The following ADAMTS9 variants were observed in gnomAD, a reference collection of about 807,000 sequenced individuals.
ADAMTS9 encodes A disintegrin and metalloproteinase with thrombospondin motifs 9.
ADAMTS9 carries 107 observed loss-of-function variants against 257.1 expected under a neutral mutation model. That is an observed-to-expected ratio of 0.42 (90% confidence interval 0.36 to 0.49). ADAMTS9 has a LOEUF of 0.49. Ranked by LOEUF, ADAMTS9 falls within the 20% of genes least tolerant of loss-of-function variation. The probability of loss-of-function intolerance (pLI) is 0.03; values close to 1 mark genes in which losing one functional copy is unlikely to be tolerated. For missense variants in ADAMTS9, 2,353 were observed against 2,469.1 expected, an observed-to-expected ratio of 0.95 and a Z score of 1.00; for synonymous variants, 982 against 880.9, an observed-to-expected ratio of 1.11 and a Z score of -2.03.
intron 28 of ADAMTS9, among the ~76,000 whole-genome samples, chr3:64,578,878 T>C (rs896992061): frequency 1.3e-5 from 2 of 152,176 alleles, no homozygotes; most frequent in Admixed American, 6.5e-5. Flanking sequence ...ACCACTTCCC[T>C]TGTGACCACT....
At chr3:64,656,310 T>A (rs1701067896) in intron 4 of ADAMTS9, among the ~76,000 whole-genome samples, 1 of 152,192 alleles carries the variant, frequency 6.6e-6, no homozygotes, top group Non-Finnish European at 1.5e-5. Flanking sequence ...GGGTTTTTAT[T>A]TTTGCAGTAT....
intron 28 of ADAMTS9, among the ~76,000 whole-genome samples, 160 bp downstream of exon 28, chr3:64,594,098 A>G (rs1185179666): frequency 2.0e-5 from 3 of 152,008 alleles, no homozygotes; most frequent in Non-Finnish European, 4.4e-5. Flanking sequence ...ATAAAAAGTT[A>G]ATTCTATTAT....
chr3:64,551,939 A>G (rs1397035175), intron 30 of ADAMTS9, among the ~76,000 whole-genome samples: 1 of 152,194 alleles, frequency 6.6e-6, no homozygotes, highest in Non-Finnish European at 1.5e-5. Context: ...CTCTCATGCC[A>G]CATCATTCTG....
At chr3:64,676,924 A>T (rs966962828) in intron 3 of ADAMTS9, among the ~76,000 whole-genome samples, 2 of 152,182 alleles carry the variant, frequency 1.3e-5, no homozygotes, top group African/African-American at 2.4e-5. Context: ...CAGGCAAACA[A>T]AACAGCCTTC....
chr3:64,524,631 C>CAATA (rs2082887925), intron 38 of ADAMTS9, among the ~76,000 whole-genome samples: 1 of 152,144 alleles, frequency 6.6e-6, no homozygotes, highest in Non-Finnish European at 1.5e-5. Context: ...TTGAATTTGA[C>CAATA]CAATAAAAAA....
At chr3:64,563,155 A>G (rs1180402527) in intron 29 of ADAMTS9, 3 of 152,232 alleles carry the variant, frequency 2.0e-5, no homozygotes. Flanking sequence ...CCTGAACACA[A>G]GTGATGACCC....
Position 64,602,156 on chromosome 3 carries a change from T to C in ADAMTS9, c.3805A>G (p.Ser1269Gly). The C allele has an allele frequency of 6.2e-7, 1 of 1,614,118 alleles. No homozygotes were observed. Among genetic ancestry groups the C allele is most frequent in the Non-Finnish European group, 8.5e-7 (1 of 1,179,992 alleles). ...TCACTCCGATCGATCACGTGGTCACTGTAGTTGACACACATCACTTGCCGG... is the reference window on the plus strand; with the variant it reads ...TCACTCCGATCGATCACGTGGTCACCGTAGTTGACACACATCACTTGCCGG... ...ATRQVMCVNY[S>G]DHVIDRSECD... Residue 1269 changes from serine (S) to glycine (G), a missense_variant, in exon 26 of 40, where the codon AGT (serine) becomes GGT (glycine). By Grantham distance (56) the Ser-to-Gly change is moderately conservative. Coordinates refer to ENST00000498707, the MANE Select transcript of ADAMTS9 (RefSeq NM_182920.2).
Position 64,681,350 on chromosome 3 carries a change from C to G in ADAMTS9, c.530G>C (p.Arg177Pro). 1.2e-6 allele frequency: 2 copies of G among 1,611,044 alleles called. No individual in the cohort carries two copies. Among genetic ancestry groups the G allele is most frequent in the Middle Eastern group, 1.7e-4 (1 of 6,056 alleles). The change falls in exon 3 of 40, where the codon CGG becomes CCG. Residue 177 changes from arginine to proline, a missense_variant. Transcript: ENST00000498707. The part of the protein sequence containing the change: ...SLCSGMLGTF[R>P]SHDGDYFIEP... ...AATAAAATAATCCCCATCATGAGAC[C>G]GGAATGTGCCCAGCTGCAAATGAAG...
chr3:64,547,568 A>G (rs2083218949), intron 31 of ADAMTS9, among the ~76,000 whole-genome samples: 1 of 129,380 alleles, frequency 7.7e-6, no homozygotes, highest in Non-Finnish European at 1.6e-5. Context: ...GCTGGAGTGC[A>G]GTGACATGAT....
chr3:64,566,393 C>A (rs566229461), intron 29 of ADAMTS9, among the ~76,000 whole-genome samples: 2 of 152,300 alleles, frequency 1.3e-5, no homozygotes, highest in South Asian at 2.1e-4. Flanking sequence ...AGGCTGGCCA[C>A]AGACCATTAT....
Position 64,674,240 on chromosome 3 carries a change from T to C in ADAMTS9, c.679+6961A>G, listed in dbSNP as rs1337893653. Among the ~76,000 whole-genome samples, 5 of 152,104 alleles carry C rather than the reference T, an allele frequency of 3.3e-5. 1 individual carries two copies. ...GAGGTCATTGCTTATATTGACTGTT[T>C]ATTAGACAGAAAGTCATTGAAGACT... On this transcript the variant is annotated intron_variant, in intron 3 of 39. Coordinates refer to ENST00000498707, the MANE Select transcript of ADAMTS9 (RefSeq NM_182920.2).
chr3:64,647,807 TC>T, intron 11 of ADAMTS9, 132 bp downstream of exon 11: 2 of 649,812 alleles, frequency 3.1e-6, no homozygotes, highest in Non-Finnish European at 4.8e-6. Flanking sequence ...TAAACATCTG[TC>T]CTCTAAAAAA....
rs1559828553 is a variant in ADAMTS9, at chr3:64,686,245, A to G, written c.516+323T>C. ...GCCAAGTTTGCTGCAGGGAACCGCA[A>G]CTCCAGTAACTTTCTCCGAGTTTGG... On this transcript the variant is annotated intron_variant, in intron 2 of 39. Transcript: ENST00000498707. This position sits in a 1 kb window ranked among gnomAD's most constrained non-coding sequence, Gnocchi z 4.6. Among the ~76,000 whole-genome samples, 1 of 152,136 alleles carries G rather than the reference A, an allele frequency of 6.6e-6. No individual in the cohort carries two copies. Among genetic ancestry groups the G allele is most frequent in the Non-Finnish European group, 1.5e-5 (1 of 68,024 alleles).
intron 32 of ADAMTS9, among the ~76,000 whole-genome samples, 163 bp from the exon 33 acceptor site, chr3:64,542,133 G>A (rs140010274): frequency 2.5e-4 from 38 of 152,060 alleles, no homozygotes; most frequent in African/African-American, 8.2e-4. Context: ...ACTTACTATG[G>A]GCCAGTCCCT....
chr3:64,536,344 G>A (rs924229415), intron 37 of ADAMTS9, among the ~76,000 whole-genome samples: 1 of 152,134 alleles, frequency 6.6e-6, no homozygotes. Context: ...GCCCTTAAAG[G>A]CCTTATCTTC....
chr3:64,666,759 AATT>A (rs1365193380), intron 3 of ADAMTS9, among the ~76,000 whole-genome samples: 1 of 152,214 alleles, frequency 6.6e-6, no homozygotes, highest in African/African-American at 2.4e-5. Flanking sequence ...ACATAATAAT[AATT>A]ATTAGTGGTA....
chr3:64,585,762 G>C (rs1223614652), intron 28 of ADAMTS9, among the ~76,000 whole-genome samples: 2 of 152,044 alleles, frequency 1.3e-5, no homozygotes, highest in African/African-American at 2.4e-5. Flanking sequence ...GCCAGAGATA[G>C]CACCCAATAT....
chr3:64,530,888 C>T (rs1337959520), intron 38 of ADAMTS9, among the ~76,000 whole-genome samples: 3 of 152,042 alleles, frequency 2.0e-5, no homozygotes, highest in African/African-American at 7.2e-5. Context: ...TATTTCAAAA[C>T]ATCATGTTGT....
chr3:64,601,850 G>GA (rs1334076176), intron 26 of ADAMTS9, 94 bp downstream of exon 26: 17 of 1,444,276 alleles, frequency 1.2e-5, no homozygotes, highest in Middle Eastern at 1.8e-4. Context: ...CCCTTGTAAA[G>GA]AAAAAAATAT....
Sources: gnomAD v4.1 joint callset for allele counts (sites outside exome capture counted in the v4.1 genomes callset) on GRCh38, gnomAD v4.1.1 for gene constraint, Gnocchi (gnomAD v3.1) non-coding constraint, MANE v1.5 for transcripts, NCBI Gene and HGNC (gene_info 2026-07-23, HGNC 2026-07-21) for gene names.